The following SIPA1L2 variants were observed in gnomAD, a reference collection of about 807,000 sequenced individuals.
The protein encoded by SIPA1L2 is signal induced proliferation associated 1 like 2.
Under a neutral mutation model 163.9 loss-of-function variants are expected in SIPA1L2, and 56 were observed. The observed-to-expected ratio is 0.34, with a 90% CI of 0.28 to 0.43. The LOEUF is 0.43. SIPA1L2 is among the 20% of genes least tolerant of loss of function. The pLI is 1.00. For missense variants in SIPA1L2, 1,974 were observed against 2,193.5 expected (o/e 0.90, Z 2.00); for synonymous variants, 877 against 865.7 (o/e 1.01, Z -0.23).
intron 2 of SIPA1L2, among the ~76,000 whole-genome samples, chr1:232,525,233 CTTT>C (rs11389753): frequency 1.1e-4 from 11 of 102,936 alleles, no homozygotes; most frequent in African/African-American, 3.5e-4. Context: ...ATAATAATAG[CTTT>C]TTTTTTTTTT....
chr1:232,526,463 A>G (rs978574229), intron 2 of SIPA1L2, among the ~76,000 whole-genome samples: 1 of 152,212 alleles, frequency 6.6e-6, no homozygotes, highest in Non-Finnish European at 1.5e-5. Context: ...GAGACATTAG[A>G]GTGCTCAACC....
At chr1:232,460,383 T>C (rs7523171) in intron 10 of SIPA1L2, among the ~76,000 whole-genome samples, 18,727 of 152,230 alleles carry the variant, frequency 0.12, 1,282 homozygotes, top group Middle Eastern at 0.23. Context: ...CAAGCTTCAA[T>C]TGAGAATGGA....
intron 3 of SIPA1L2, among the ~76,000 whole-genome samples, chr1:232,495,875 T>C (rs941927420): frequency 3.3e-5 from 5 of 152,148 alleles, no homozygotes; most frequent in African/African-American, 1.2e-4. Flanking sequence ...GAATGAGAAA[T>C]AATAGATACA....
chr1:232,608,556 G>A (rs544458179), intron 1 of SIPA1L2, among the ~76,000 whole-genome samples: 1 of 152,288 alleles, frequency 6.6e-6, no homozygotes, highest in African/African-American at 2.4e-5. Context: ...TACCCTCTGA[G>A]TACAAGCTCA....
At chr1:232,548,012 G>A (rs1436004452) in intron 2 of SIPA1L2, among the ~76,000 whole-genome samples, 1 of 152,160 alleles carries the variant, frequency 6.6e-6, no homozygotes, top group Non-Finnish European at 1.5e-5. Flanking sequence ...ACAACTGGCT[G>A]TCCCAAAATG....
intron 3 of SIPA1L2, 54 bp from the exon 4 acceptor site, chr1:232,493,714 A>G: frequency 6.2e-7 from 1 of 1,602,640 alleles, no homozygotes; most frequent in Non-Finnish European, 8.5e-7. Flanking sequence ...AACAAAGAGC[A>G]GGATGGATAT....
At chr1:232,470,974 C>A (rs1045586168) in intron 8 of SIPA1L2, among the ~76,000 whole-genome samples, 1 of 152,192 alleles carries the variant, frequency 6.6e-6, no homozygotes, top group South Asian at 2.1e-4. Flanking sequence ...AGTCACCCAA[C>A]AAGTGTTAAC....
intron 21 of SIPA1L2, 57 bp downstream of exon 21, chr1:232,403,391 T>C (rs990333335): frequency 7.6e-6 from 12 of 1,584,208 alleles, no homozygotes; most frequent in Non-Finnish European, 1.0e-5. Flanking sequence ...GTTAGCCGAA[T>C]CTTGGCTAAT....
At chr1:232,616,103 G>A (rs573301555) in intron 1 of SIPA1L2, among the ~76,000 whole-genome samples, 1 of 152,296 alleles carries the variant, frequency 6.6e-6, no homozygotes, top group East Asian at 1.9e-4. Flanking sequence ...CATGGAGATG[G>A]CCCCTCAGTC....
chr1:232,445,934 GA>G, intron 10 of SIPA1L2, 148 bp from the exon 11 acceptor site: 1 of 741,546 alleles, frequency 1.3e-6, no homozygotes, highest in Non-Finnish European at 2.3e-6. Flanking sequence ...CCACCCTTAG[GA>G]GCATCTCACC....
Position 232,489,532 on chromosome 1 carries a change from A to G in SIPA1L2, c.1806+1342T>C, listed in dbSNP as rs1270655386. Among the ~76,000 whole-genome samples, 5 of 151,742 alleles carry G rather than the reference A, an allele frequency of 3.3e-5. No homozygotes were observed. In the East Asian group the frequency reaches 9.7e-4, roughly 30 times the overall value. ...TAATATGTCAGCTTTCATTCCTGAGACAGATCTCAAGATTATTCATTCTGA... is the reference window on the plus strand; with the variant it reads ...TAATATGTCAGCTTTCATTCCTGAGGCAGATCTCAAGATTATTCATTCTGA... On this transcript the variant is annotated intron_variant, in intron 5 of 22. Coordinates refer to ENST00000674635, the MANE Select transcript of SIPA1L2 (RefSeq NM_020808.5).
intron 18 of SIPA1L2, among the ~76,000 whole-genome samples, chr1:232,423,954 G>A (rs1367591956): frequency 6.6e-6 from 1 of 152,156 alleles, no homozygotes; most frequent in Non-Finnish European, 1.5e-5. Context: ...ATAGTAAAAA[G>A]ATTAGTGGTT....
chr1:232,492,003 A>G (rs1013681659), intron 4 of SIPA1L2, among the ~76,000 whole-genome samples: 2 of 152,228 alleles, frequency 1.3e-5, no homozygotes, highest in Non-Finnish European at 2.9e-5. Context: ...TTTAAATTAA[A>G]TTAAGTATTT....
chr1:232,560,958 C>T (rs1340957565), intron 2 of SIPA1L2, among the ~76,000 whole-genome samples: 2 of 152,174 alleles, frequency 1.3e-5, no homozygotes, highest in African/African-American at 2.4e-5. Flanking sequence ...GTAAAAGAAG[C>T]CTTTTTCAAA....
chr1:232,576,764 A>G (rs1413349710), intron 1 of SIPA1L2, among the ~76,000 whole-genome samples: 2 of 152,226 alleles, frequency 1.3e-5, no homozygotes, highest in Admixed American at 6.5e-5. Context: ...CACACAAATG[A>G]TAAGAAAGCA....
At chr1:232,608,763 G>C (rs182564497) in intron 1 of SIPA1L2, among the ~76,000 whole-genome samples, 7 of 152,190 alleles carry the variant, frequency 4.6e-5, no homozygotes, top group African/African-American at 1.7e-4. Context: ...GCACATGGGC[G>C]AGAAATACAC....
intron 1 of SIPA1L2, among the ~76,000 whole-genome samples, chr1:232,610,932 C>T (rs1200929419): frequency 6.6e-6 from 1 of 152,186 alleles, no homozygotes; most frequent in Non-Finnish European, 1.5e-5. Flanking sequence ...GCTACCAACG[C>T]TCTCTGACTG....
At chr1:232,558,567 T>TA (rs1658853919) in intron 2 of SIPA1L2, among the ~76,000 whole-genome samples, 1 of 152,224 alleles carries the variant, frequency 6.6e-6, no homozygotes, top group African/African-American at 2.4e-5. Flanking sequence ...TCTTGTCACA[T>TA]ACTCCGCTAC....
At chr1:232,471,880 C>T (rs1362584377) in intron 7 of SIPA1L2, among the ~76,000 whole-genome samples, 1 of 152,162 alleles carries the variant, frequency 6.6e-6, no homozygotes, top group African/African-American at 2.4e-5. Flanking sequence ...ACGACAAAGT[C>T]CAAGAGAGGG....
Sources: allele counts gnomAD v4.1 joint callset (sites outside exome capture counted in the v4.1 genomes callset), GRCh38; gene constraint gnomAD v4.1.1; transcripts MANE v1.5; gene names NCBI Gene and HGNC (gene_info 2026-07-23, HGNC 2026-07-21).